SNX31: variants seen among roughly 807,000 people sequenced by gnomAD.
The protein encoded by SNX31 is sorting nexin 31.
In SNX31, 58 loss-of-function variants were observed where a neutral mutation model predicts 65.4. The observed-to-expected ratio is 0.89, with a 90% CI of 0.72 to 1.10. The LOEUF is 1.10. Ranked by LOEUF, SNX31 falls within the 50% of genes least tolerant of loss-of-function variation. The pLI is 0.00. For synonymous variants in SNX31, 181 were observed against 190.1 expected (o/e 0.95, Z 0.39); for missense variants, 523 against 529.7 (o/e 0.99, Z 0.12).
In SNX31 at chr8:100,630,902, C is replaced by G. The variant is rs1818368244; in HGVS notation, c.257-511G>C. ...TCCTGGGTTAAGACGATTCTCTTGC[C>G]TCAGCCTCTGAAGTAGCTGGGATTA... On this transcript the variant is annotated intron_variant, in intron 3 of 13. Transcript: ENST00000311812. This position sits in a 1 kb window ranked among gnomAD's most constrained non-coding sequence, Gnocchi z 5.3. Among the ~76,000 whole-genome samples the G allele has an allele frequency of 6.6e-6, 1 of 152,194 alleles. No homozygotes were observed. Among genetic ancestry groups the G allele is most frequent in the Non-Finnish European group, 1.5e-5 (1 of 68,032 alleles).
At chr8:100,651,066 G>A (rs1392423170), upstream of SNX31, among the ~76,000 whole-genome samples, 3 of 152,116 alleles carry the variant, frequency 2.0e-5, no homozygotes, top group East Asian at 3.9e-4. Context: ...TGGTCAGGCT[G>A]GTCTCAAACT....
chr8:100,600,004 A>T (rs1416763586), intron 9 of SNX31, among the ~76,000 whole-genome samples: 1 of 152,190 alleles, frequency 6.6e-6, no homozygotes, highest in Non-Finnish European at 1.5e-5. Context: ...TAGCAGCAAG[A>T]GCTGGAAACA....
In SNX31 at chr8:100,649,606, C is replaced by T; in HGVS notation, c.-92G>A. Reference sequence around the variant, plus strand: ...GAACTCGGCAGCGGTGGACGCAGCGCGGCCTGCCACGCGACTCAGAGCGAA... The same window carrying T: ...GAACTCGGCAGCGGTGGACGCAGCGTGGCCTGCCACGCGACTCAGAGCGAA... On this transcript the variant is annotated 5_prime_UTR_variant, in exon 1 of 14. Transcript: ENST00000311812. 1 of 1,261,648 alleles carries T rather than the reference C, an allele frequency of 7.9e-7. No individual in the cohort carries two copies. The highest frequency in any genetic ancestry group is 1.4e-5 in the South Asian group (1 of 71,126). 78.2% of individuals were successfully genotyped at this position (1,261,648 alleles called of 1,614,324 possible). A position where few individuals can be genotyped will look rare whatever the true frequency, so the allele number is the denominator to read the frequency against.
At chr8:100,596,257 G>C (rs922773846) in intron 10 of SNX31, among the ~76,000 whole-genome samples, 6 of 152,216 alleles carry the variant, frequency 3.9e-5, no homozygotes, top group African/African-American at 1.2e-4. Context: ...CAAGCATGAT[G>C]CCAAGGTGTT....
In SNX31 at chr8:100,630,308, T is replaced by G; in HGVS notation, c.321+19A>C. 1 of 1,612,660 alleles carries G rather than the reference T, an allele frequency of 6.2e-7. No individual in the cohort carries two copies. ...TCCTGCAGAGGAATGATGGCCCCAT[T>G]AAAGAAGAGCAAGCTTACCAGCTGC... On this transcript the variant is annotated intron_variant, in intron 4 of 13. Coordinates refer to ENST00000311812, the MANE Select transcript of SNX31 (RefSeq NM_152628.4). The surrounding 1 kb of genome is among the most constrained non-coding windows in gnomAD (Gnocchi z 5.3).
chr8:100,612,833 A>C lies in SNX31; in HGVS notation c.523+162T>G, dbSNP rs1039620768. Among the ~76,000 whole-genome samples the C allele has an allele frequency of 6.6e-6, 1 of 152,106 alleles. No individual in the cohort carries two copies. Among genetic ancestry groups the C allele is most frequent in the Admixed American group, 6.6e-5 (1 of 15,264 alleles). The stretch of plus-strand genomic sequence containing the variant: ...TTGCCCCCACTCTCCCCTAACAAGG[A>C]CGCAACCTCCTATTCCCTAAACCCT... On this transcript the variant is annotated intron_variant, in intron 6 of 13. Coordinates refer to ENST00000311812, the MANE Select transcript of SNX31 (RefSeq NM_152628.4). This position sits in a 1 kb window ranked among gnomAD's most constrained non-coding sequence, Gnocchi z 4.3.
chr8:100,639,682 A>T (rs2131241914), intron 2 of SNX31, among the ~76,000 whole-genome samples: 1 of 149,796 alleles, frequency 6.7e-6, no homozygotes, highest in South Asian at 2.1e-4. Context: ...TTGTATACAC[A>T]CATATATTTC....
intron 7 of SNX31, among the ~76,000 whole-genome samples, chr8:100,608,912 A>C (rs1415779719): frequency 6.6e-6 from 1 of 151,838 alleles, no homozygotes; most frequent in Non-Finnish European, 1.5e-5. Context: ...ACTGCCCCAC[A>C]CAGACCTACC....
At chr8:100,627,124 C>T (rs1009742358) in intron 4 of SNX31, among the ~76,000 whole-genome samples, 7 of 152,088 alleles carry the variant, frequency 4.6e-5, no homozygotes, top group East Asian at 1.9e-4. Flanking sequence ...GAGGCTGAGG[C>T]GGGAAGATCA....
intron 2 of SNX31, among the ~76,000 whole-genome samples, chr8:100,643,348 C>G (rs898675484): frequency 1.2e-4 from 19 of 152,084 alleles, no homozygotes; most frequent in Non-Finnish European, 2.2e-4. Flanking sequence ...CATTCACACC[C>G]CCCTATACCT....
intron 2 of SNX31, among the ~76,000 whole-genome samples, chr8:100,641,610 A>T (rs1819227012): frequency 5.4e-5 from 3 of 56,010 alleles, no homozygotes; most frequent in Admixed American, 2.6e-4. Flanking sequence ...ATACACACAC[A>T]CACGCACACA....
chr8:100,615,415 C>T (rs2131059508), intron 5 of SNX31, among the ~76,000 whole-genome samples: 1 of 152,324 alleles, frequency 6.6e-6, no homozygotes, highest in South Asian at 2.1e-4. Context: ...GGAACGTGAA[C>T]TATTTCTATA....
intron 4 of SNX31, among the ~76,000 whole-genome samples, chr8:100,621,553 C>A (rs1180137047): frequency 6.6e-6 from 1 of 152,202 alleles, no homozygotes; most frequent in Non-Finnish European, 1.5e-5. Flanking sequence ...CTCCATCTTA[C>A]CACCAGCACC....
chr8:100,602,402 A>G lies in SNX31; in HGVS notation c.682-1961T>C, dbSNP rs186378175. ...TCGACTTTATCATTGACTTTTTCCC[A>G]ACTACAGTGGTCCCCCTTATCCTCA... On this transcript the variant is annotated intron_variant, in intron 8 of 13. Coordinates refer to ENST00000311812, the MANE Select transcript of SNX31 (RefSeq NM_152628.4). Among the ~76,000 whole-genome samples, 295 of 152,304 alleles carry G rather than the reference A, an allele frequency of 1.9e-3. 1 individual carries two copies. The highest frequency in any genetic ancestry group is 3.3e-3 in the Admixed American group (51 of 15,304).
At chr8:100,617,025 C>T (rs1159076567) in intron 5 of SNX31, among the ~76,000 whole-genome samples, 9 of 152,084 alleles carry the variant, frequency 5.9e-5, no homozygotes, top group Admixed American at 5.9e-4. Flanking sequence ...CCTCTGCAGC[C>T]CCACTCAGCA....
intron 2 of SNX31, among the ~76,000 whole-genome samples, chr8:100,641,907 T>C (rs1161378784): frequency 6.6e-6 from 1 of 150,756 alleles, no homozygotes; most frequent in African/African-American, 2.4e-5. Context: ...TGAAACCCCG[T>C]CTCTACTAAA....
At chr8:100,654,128 T>A (rs186866974), upstream of SNX31, among the ~76,000 whole-genome samples, 468 of 152,214 alleles carry the variant, frequency 3.1e-3, no homozygotes, top group African/African-American at 0.011. Context: ...CACCTCAGTC[T>A]CCCAAGTAGC....
rs1044092769 is a variant in SNX31, at chr8:100,626,702, G to T, written c.321+3625C>A. Among the ~76,000 whole-genome samples the T allele has an allele frequency of 4.6e-5, 7 of 152,104 alleles. No individual in the cohort carries two copies. The highest frequency in any genetic ancestry group is 8.8e-5 in the Non-Finnish European group (6 of 68,030). ...GGCAAGGGATCTATGCAAAAATCCT[G>T]CAAGAAAGGAGGAAAGAAACATGAC... On this transcript the variant is annotated intron_variant, in intron 4 of 13. Coordinates refer to ENST00000311812, the MANE Select transcript of SNX31 (RefSeq NM_152628.4). This position sits in a 1 kb window ranked among gnomAD's most constrained non-coding sequence, Gnocchi z 4.4.
intron 10 of SNX31, among the ~76,000 whole-genome samples, chr8:100,589,249 C>T (rs1426084024): frequency 1.4e-5 from 2 of 145,002 alleles, no homozygotes; most frequent in Non-Finnish European, 3.0e-5. Context: ...TGCAGTGAGC[C>T]GAGATCATGC....
Sources: gnomAD v4.1 joint callset for allele counts (sites outside exome capture counted in the v4.1 genomes callset) on GRCh38, gnomAD v4.1.1 for gene constraint, Gnocchi (gnomAD v3.1) non-coding constraint, MANE v1.5 for transcripts, NCBI Gene and HGNC (gene_info 2026-07-23, HGNC 2026-07-21) for gene names.